PCDH10: variants seen among roughly 807,000 people sequenced by gnomAD.
PCDH10 encodes the protein protocadherin-10.
PCDH10 carries 15 observed loss-of-function variants against 74.4 expected under a neutral mutation model. The observed-to-expected ratio is 0.20, with a 90% CI of 0.13 to 0.31. The LOEUF (loss-of-function observed/expected upper bound fraction) is 0.31. Among genes scored for constraint, PCDH10 ranks in the 10% least tolerant of loss-of-function variants. The pLI is 1.00. For synonymous variants in PCDH10, 619 were observed against 589.8 expected (o/e 1.05, Z -0.72); for missense variants, 1,260 against 1,390.2 (o/e 0.91, Z 1.49).
intron 2 of PCDH10, among the ~76,000 whole-genome samples, chr4:133,204,269 C>T (rs1052344533): frequency 3.9e-5 from 6 of 152,144 alleles, no homozygotes; most frequent in African/African-American, 1.4e-4. Flanking sequence ...TCCCTTTCTA[C>T]AAACCTGACA....
rs568209829 is a variant in PCDH10 at position 133,184,489 on chromosome 4, G to T, written c.3104-5652G>T. On this transcript the variant is annotated intron_variant, in intron 4 of 4. Transcript: ENST00000264360. ...ACTACAAAAATTAGCCTGGCGTTGT[G>T]GTGCGCAACTGTAATCCCAGCTACT... Among the ~76,000 whole-genome samples the T allele has an allele frequency of 9.2e-5, 14 of 151,450 alleles. No individual in the cohort carries two copies. The South Asian group carries it at 2.9e-3, about 32-fold the overall frequency.
chr4:133,199,324 A>ATAATAATAATAAT (rs1553943471), downstream of PCDH10, among the ~76,000 whole-genome samples: 9 of 140,060 alleles, frequency 6.4e-5, no homozygotes, highest in South Asian at 2.2e-4. Flanking sequence ...AATAATAATA[A>ATAATAATAATAAT]TAATTAATTA....
chr4:133,150,539 G>A lies in PCDH10; in HGVS notation c.399G>A (p.Glu133=). 1 of 1,613,732 alleles carries A rather than the reference G, an allele frequency of 6.2e-7. No individual in the cohort carries two copies. The highest frequency in any genetic ancestry group is 8.5e-7 in the Non-Finnish European group (1 of 1,179,964). Reference sequence around the variant, plus strand: ...CAGACCTGACGGTGGAAATCTCTGAGAGCGCCACGCCAGGCACTCGCTTCC... The same window carrying A: ...CAGACCTGACGGTGGAAATCTCTGAAAGCGCCACGCCAGGCACTCGCTTCC... ...PEPDLTVEIS[E]SATPGTRFPL... The change falls in exon 1 of 5, where the codon GAG becomes GAA. Residue 133 remains glutamate (E), a synonymous_variant. Coordinates refer to ENST00000264360, the MANE Select transcript of PCDH10 (RefSeq NM_032961.3).
intron 4 of PCDH10, among the ~76,000 whole-genome samples, chr4:133,184,940 A>T (rs1422592672): frequency 6.7e-6 from 1 of 148,212 alleles, no homozygotes; most frequent in Non-Finnish European, 1.5e-5. Context: ...AAGAGAATAG[A>T]TGCAGTTATA....
chr4:133,150,245 G>A lies in PCDH10; in HGVS notation c.105G>A (p.Gly35=), dbSNP rs745515931. ...AGCAGGAACATGGCACTTTCGTGGG[G>A]AATATCGCTGAAGATCTGGGTCTGG... is the stretch of plus-strand genomic sequence containing the variant. ...QEEQEHGTFV[G]NIAEDLGLDI... The change falls in exon 1 of 5, where the codon GGG becomes GGA. Residue 35 remains glycine, a synonymous_variant. Transcript: ENST00000264360. 6.2e-7 allele frequency: 1 copy of A among 1,613,972 alleles called. No homozygotes were observed. Among genetic ancestry groups the A allele is most frequent in the Non-Finnish European group, 8.5e-7 (1 of 1,179,986 alleles).
Position 133,163,106 on chromosome 4 carries a change from C to T in PCDH10, c.2927C>T (p.Pro976Leu), listed in dbSNP as rs769027797. Residue 976 changes from proline (P) to leucine (L), a missense_variant, in exon 4 of 5, where the codon CCT (proline) becomes CTT (leucine). By Grantham distance (98) the Pro-to-Leu change is moderately conservative. This residue lies in a region of PCDH10 where 136 missense variants were observed against 149.3 expected (regional missense o/e 0.91). Coordinates refer to ENST00000264360, the MANE Select transcript of PCDH10 (RefSeq NM_032961.3). ...AADYRSNLHVPGMDSVPDTEV... is the reference protein window; with the variant it reads ...AADYRSNLHVLGMDSVPDTEV... ...GATTATCGCAGCAATCTGCATGTTC[C>T]TGGCATGGACTCTGTTCCAGACACT... The T allele has an allele frequency of 6.2e-7, 1 of 1,614,158 alleles. No individual in the cohort carries two copies. Among genetic ancestry groups the T allele is most frequent in the East Asian group, 2.2e-5 (1 of 44,862 alleles).
chr4:133,151,014 C>A lies in PCDH10; in HGVS notation c.874C>A (p.His292Asn). Reference protein sequence around the residue: ...NGEVVYSFSSHISPRARELFG... With the variant: ...NGEVVYSFSSNISPRARELFG... ...TGAGGTCGTGTACTCCTTCAGCAGC[C>A]ACATTTCGCCCCGGGCGCGGGAGCT... The change falls in exon 1 of 5, where the codon CAC becomes AAC. Residue 292 changes from histidine (H) to asparagine (N), a missense_variant. Physicochemically the swap from His to Asn is moderately conservative, Grantham distance 68 (BLOSUM62 1). This residue lies in a region of PCDH10 where 192 missense variants were observed against 161.2 expected (regional missense o/e 1.19). Coordinates refer to ENST00000264360, the MANE Select transcript of PCDH10 (RefSeq NM_032961.3). 6.2e-7 allele frequency: 1 copy of A among 1,613,854 alleles called. No homozygotes were observed. Among genetic ancestry groups the A allele is most frequent in the Non-Finnish European group, 8.5e-7 (1 of 1,180,028 alleles).
intron 4 of PCDH10, among the ~76,000 whole-genome samples, chr4:133,185,211 TTAATC>T (rs1727519591): frequency 6.7e-6 from 1 of 149,286 alleles, no homozygotes; most frequent in Non-Finnish European, 1.5e-5. Flanking sequence ...AATTTAGAAT[TTAATC>T]TATTCATACT....
intron 4 of PCDH10, among the ~76,000 whole-genome samples, chr4:133,165,803 AGAT>A (rs1456306017): frequency 1.3e-5 from 2 of 151,756 alleles, no homozygotes; most frequent in Non-Finnish European, 3.0e-5. Flanking sequence ...AATACAAAAG[AGAT>A]CAATGTCAGT....
chr4:133,184,537 C>T (rs114572246), intron 4 of PCDH10, among the ~76,000 whole-genome samples: 6 of 151,424 alleles, frequency 4.0e-5, no homozygotes, highest in Admixed American at 2.0e-4. Context: ...ACAGAAGAAT[C>T]GCCTGAACCC....
At position 133,168,752 on chromosome 4, in the gene PCDH10, G is replaced by A. The variant is rs551426126; in HGVS notation, c.3103+5470G>A. ...GCTAAATAATTATGTGATGAAAAAT[G>A]AATTAATGGGCATTTTTAAAGTATG... is the stretch of plus-strand genomic sequence containing the variant. On this transcript the variant is annotated intron_variant, in intron 4 of 4. Coordinates refer to ENST00000264360, the MANE Select transcript of PCDH10 (RefSeq NM_032961.3). Among the ~76,000 whole-genome samples, 17 of 151,640 alleles carry A rather than the reference G, an allele frequency of 1.1e-4. No individual in the cohort carries two copies. The South Asian group carries it at 3.3e-3, about 30-fold the overall frequency.
Position 133,193,796 on chromosome 4 carries a change from T to C in PCDH10, c.*3636T>C, listed in dbSNP as rs1383700659. The C allele has an allele frequency of 2.0e-5, 3 of 151,770 alleles. No individual in the cohort carries two copies. The highest frequency in any genetic ancestry group is 4.4e-5 in the Non-Finnish European group (3 of 67,716). The allele number at this position is 151,770 out of a possible 1,614,324, so 9.4% of individuals were successfully genotyped here. On this transcript the variant is annotated 3_prime_UTR_variant, in exon 5 of 5. Transcript: ENST00000264360. ...TTTTCTGAAAATCTTATATTTTTCA[T>C]ATTACAAATTCTTGAGTTCTTTATC...
intron 3 of PCDH10, among the ~76,000 whole-genome samples, chr4:133,159,080 C>G (rs1726916520): frequency 6.6e-6 from 1 of 151,610 alleles, no homozygotes; most frequent in Admixed American, 6.6e-5. Flanking sequence ...GACTAGAAAT[C>G]TCAAAAAATG....
chr4:133,203,920 G>A (rs17528143), intron 2 of PCDH10, among the ~76,000 whole-genome samples: 3,045 of 152,264 alleles, frequency 0.02, 44 homozygotes, highest in Middle Eastern at 0.048. Flanking sequence ...TGGCAGTGAA[G>A]TACTTTTGCA....
chr4:133,185,092 T>C (rs1466978056), intron 4 of PCDH10, among the ~76,000 whole-genome samples: 2 of 148,492 alleles, frequency 1.3e-5, no homozygotes, highest in African/African-American at 4.9e-5. Context: ...TTTGAATTGA[T>C]TTGAGGAACA....
At chr4:133,160,698 C>CA (rs879450641) in intron 3 of PCDH10, among the ~76,000 whole-genome samples, 3 of 148,260 alleles carry the variant, frequency 2.0e-5, no homozygotes, top group Admixed American at 6.8e-5. Context: ...GGCCTAGGTG[C>CA]AAAAAAAATA....
chr4:133,153,376 G>A, intron 1 of PCDH10: 2 of 439,260 alleles, frequency 4.6e-6, no homozygotes, highest in Non-Finnish European at 3.0e-6. Flanking sequence ...TCTTGAAGCC[G>A]AGCGCCCACA....
chr4:133,190,454 A>G lies in PCDH10; in HGVS notation c.*294A>G, dbSNP rs1175405435. ...ATCTTTCTCTCTCCAAATGTCACTG[A>G]GCCCTTTAGATGTTTATATTCACCA... On this transcript the variant is annotated 3_prime_UTR_variant, in exon 5 of 5. Transcript: ENST00000264360. 5.1e-6 allele frequency: 2 copies of G among 389,936 alleles called. No individual in the cohort carries two copies. Among genetic ancestry groups the G allele is most frequent in the Admixed American group, 4.2e-5 (1 of 23,700 alleles). 24.2% of individuals were successfully genotyped at this position (389,936 alleles called of 1,614,324 possible).
At chr4:133,178,216 G>T (rs1477322979) in intron 4 of PCDH10, among the ~76,000 whole-genome samples, 2 of 150,440 alleles carry the variant, frequency 1.3e-5, no homozygotes, top group Admixed American at 6.7e-5. Flanking sequence ...GCCAGTGTGT[G>T]TTTTTTTTTG....
Sources: allele counts gnomAD v4.1 joint callset (sites outside exome capture counted in the v4.1 genomes callset), GRCh38; gene constraint gnomAD v4.1.1; regional missense constraint gnomAD v4.1.1; transcripts MANE v1.5; gene names NCBI Gene and HGNC (gene_info 2026-07-23, HGNC 2026-07-21).